The following PPM1E variants were observed in gnomAD, a reference collection of about 807,000 sequenced individuals.
The protein encoded by PPM1E is protein phosphatase 1E.
PPM1E carries 20 observed loss-of-function variants against 65.9 expected under a neutral mutation model. The observed-to-expected ratio is 0.30, with a 90% confidence interval of 0.21 to 0.44. The LOEUF is 0.44. Ranked by LOEUF, PPM1E falls within the 20% of genes least tolerant of loss-of-function variation. PPM1E has a pLI of 1.00. For missense variants in PPM1E, 713 were observed against 953.1 expected, an observed-to-expected ratio of 0.75 and a Z score of 3.32; for synonymous variants, 352 against 374.9, an observed-to-expected ratio of 0.94 and a Z score of 0.70.
intron 1 of PPM1E, among the ~76,000 whole-genome samples, chr17:58,915,676 T>C (rs1368438593): frequency 6.6e-6 from 1 of 152,214 alleles, no homozygotes; most frequent in African/African-American, 2.4e-5. Context: ...TCTTTATAAT[T>C]CCCATTCAAC....
At chr17:58,862,761 G>A (rs1422657412) in intron 1 of PPM1E, among the ~76,000 whole-genome samples, 1 of 152,144 alleles carries the variant, frequency 6.6e-6, no homozygotes, top group African/African-American at 2.4e-5. Flanking sequence ...TTTTATTAGG[G>A]CCCCAATGAG....
At chr17:58,929,522 G>A (rs991977403) in intron 1 of PPM1E, among the ~76,000 whole-genome samples, 2 of 152,176 alleles carry the variant, frequency 1.3e-5, no homozygotes, top group African/African-American at 4.8e-5. Context: ...ACTGATATCT[G>A]TAGGGTGCTT....
intron 1 of PPM1E, among the ~76,000 whole-genome samples, chr17:58,858,282 C>A (rs1350161881): frequency 2.6e-5 from 4 of 152,018 alleles, no homozygotes; most frequent in Non-Finnish European, 4.4e-5. Flanking sequence ...ATTAGTGTAT[C>A]ATTTCAAATG....
At chr17:58,764,773 T>C (rs1380961904) in intron 1 of PPM1E, among the ~76,000 whole-genome samples, 1 of 152,084 alleles carries the variant, frequency 6.6e-6, no homozygotes, top group Non-Finnish European at 1.5e-5. Context: ...TTTATATTTT[T>C]TGTAGAGATG....
chr17:58,874,960 C>T (rs1299807348), intron 1 of PPM1E, among the ~76,000 whole-genome samples: 2 of 152,036 alleles, frequency 1.3e-5, no homozygotes, highest in Non-Finnish European at 2.9e-5. Flanking sequence ...CCCTCCTGCC[C>T]CATTTTCTGT....
At chr17:58,813,129 A>G (rs919519617) in intron 1 of PPM1E, among the ~76,000 whole-genome samples, 2 of 152,112 alleles carry the variant, frequency 1.3e-5, no homozygotes, top group African/African-American at 4.8e-5. Flanking sequence ...TCATATGTTT[A>G]TTCTTTCTCC....
At chr17:58,920,911 C>T in intron 1 of PPM1E, among the ~76,000 whole-genome samples, 1 of 151,904 alleles carries the variant, frequency 6.6e-6, no homozygotes, top group Non-Finnish European at 1.5e-5. Context: ...AAAAGAGAAA[C>T]CAGTGAACAA....
intron 1 of PPM1E, among the ~76,000 whole-genome samples, chr17:58,827,551 C>T (rs752491021): frequency 6.6e-6 from 1 of 152,210 alleles, no homozygotes; most frequent in East Asian, 1.9e-4. Flanking sequence ...TAGATTTATT[C>T]AGATATTCTG....
chr17:58,945,859 G>C (rs1328269010), intron 1 of PPM1E, among the ~76,000 whole-genome samples: 2 of 152,208 alleles, frequency 1.3e-5, no homozygotes, highest in African/African-American at 4.8e-5. Context: ...AATAGGTTCT[G>C]TTGGAGGTGG....
chr17:58,757,470 GA>G (rs1332314196), intron 1 of PPM1E, among the ~76,000 whole-genome samples: 2 of 152,202 alleles, frequency 1.3e-5, no homozygotes, highest in African/African-American at 4.8e-5. Flanking sequence ...GTAAGTCTCT[GA>G]AAACATTGGT....
In PPM1E at chr17:58,982,850, C is replaced by T. The variant is rs771649257; in HGVS notation, c.*1819C>T. 90 of 1,497,194 alleles carry T rather than the reference C, an allele frequency of 6.0e-5. No individual in the cohort carries two copies. Among genetic ancestry groups the T allele is most frequent in the Non-Finnish European group, 8.1e-5 (89 of 1,094,642 alleles). The allele number at this position is 1,497,194 out of a possible 1,614,324, so 92.7% of individuals were successfully genotyped here. On this transcript the variant is annotated 3_prime_UTR_variant, in exon 7 of 7. Coordinates refer to ENST00000308249, the MANE Select transcript of PPM1E (RefSeq NM_014906.5). Reference sequence around the variant, plus strand: ...CTTTGCCCCACACATGGTCCTCACTCATATCTGTCACCTTCTGAAGCCTAG... The same window carrying T: ...CTTTGCCCCACACATGGTCCTCACTTATATCTGTCACCTTCTGAAGCCTAG...
At chr17:58,977,799 G>A (rs1309197112) in intron 6 of PPM1E, among the ~76,000 whole-genome samples, 1 of 152,182 alleles carries the variant, frequency 6.6e-6, no homozygotes, top group African/African-American at 2.4e-5. Flanking sequence ...CTGGAGTGCA[G>A]TGGCGCAATC....
At chr17:58,913,072 T>C (rs947173719) in intron 1 of PPM1E, among the ~76,000 whole-genome samples, 12 of 152,306 alleles carry the variant, frequency 7.9e-5, no homozygotes, top group African/African-American at 2.9e-4. Flanking sequence ...TAAGTAAAGT[T>C]TTGCCTGAGT....
At chr17:58,954,842 T>G (rs1398772328) in intron 1 of PPM1E, among the ~76,000 whole-genome samples, 1 of 141,130 alleles carries the variant, frequency 7.1e-6, no homozygotes, top group East Asian at 2.1e-4. Context: ...ATTGCACCAC[T>G]GCACTCCAGT....
intron 1 of PPM1E, among the ~76,000 whole-genome samples, chr17:58,895,941 T>A (rs1270529282): frequency 8.2e-5 from 10 of 122,688 alleles, no homozygotes; most frequent in Admixed American, 6.6e-4. Flanking sequence ...CCGTCTCTGC[T>A]AAACATACAA....
chr17:58,838,400 T>C (rs6503882), intron 1 of PPM1E, among the ~76,000 whole-genome samples: 50,399 of 151,846 alleles, frequency 0.33, 8,874 homozygotes, highest in East Asian at 0.49. Flanking sequence ...ATAAAGAAAA[T>C]GTAGAGACAG....
intron 1 of PPM1E, among the ~76,000 whole-genome samples, chr17:58,921,540 CAAAA>C (rs1404472766): frequency 1.3e-5 from 2 of 150,762 alleles, no homozygotes; most frequent in African/African-American, 4.9e-5. Context: ...AACAAACAAA[CAAAA>C]AACAACATCT....
intron 2 of PPM1E, among the ~76,000 whole-genome samples, chr17:58,964,120 GTC>G (rs1486265077): frequency 6.6e-6 from 1 of 152,156 alleles, no homozygotes; most frequent in Non-Finnish European, 1.5e-5. Context: ...AGAACATATA[GTC>G]TCTCTCTTCT....
At chr17:58,767,987 G>A (rs191981664) in intron 1 of PPM1E, among the ~76,000 whole-genome samples, 8 of 151,980 alleles carry the variant, frequency 5.3e-5, no homozygotes, top group Admixed American at 4.6e-4. Flanking sequence ...GTCTCACTCT[G>A]TTACCCAGGC....
Sources: allele counts gnomAD v4.1 joint callset (sites outside exome capture counted in the v4.1 genomes callset), GRCh38; gene constraint gnomAD v4.1.1; transcripts MANE v1.5; gene names NCBI Gene and HGNC (gene_info 2026-07-23, HGNC 2026-07-21).